COL5A1: variants seen among roughly 807,000 people sequenced by gnomAD.
The protein encoded by COL5A1 is collagen type V alpha 1 chain.
Under a neutral mutation model 263.7 loss-of-function variants are expected in COL5A1, and 16 were observed. The ratio of observed to expected loss-of-function variants is 0.06; its 90% CI spans 0.04 to 0.09. COL5A1 has a LOEUF of 0.09. Ranked by LOEUF, COL5A1 falls within the 10% of genes least tolerant of loss-of-function variation. The probability of loss-of-function intolerance (pLI) is 1.00; values close to 1 mark genes in which losing one functional copy is unlikely to be tolerated. For missense variants in COL5A1, 2,036 were observed against 2,540.5 expected (o/e 0.80, Z 4.27); for synonymous variants, 1,012 against 1,004.5 (o/e 1.01, Z -0.14).
chr9:134,789,866 C>T lies in COL5A1; in HGVS notation c.2700+658C>T, dbSNP rs773358126. 6.6e-6 allele frequency among the ~76,000 whole-genome samples: 1 copy of T among 152,226 alleles called. No individual in the cohort carries two copies. Among genetic ancestry groups the T allele is most frequent in the Non-Finnish European group, 1.5e-5 (1 of 68,026 alleles). On this transcript the variant is annotated intron_variant, in intron 32 of 65. Coordinates refer to ENST00000371817, the MANE Select transcript of COL5A1 (RefSeq NM_000093.5). The surrounding 1 kb of genome is among the most constrained non-coding windows in gnomAD (Gnocchi z 4.8). ...AAATCACAGTGCCTGAGCATTGCCA[C>T]TTGGGAAAACAGGAGAGAGATGGTC...
At chr9:134,812,206 T>C (rs1423997245) in intron 46 of COL5A1, among the ~76,000 whole-genome samples, 2 of 152,248 alleles carry the variant, frequency 1.3e-5, no homozygotes, top group Non-Finnish European at 2.9e-5. Context: ...TTTATTGTTT[T>C]ATGGGTTCCT....
chr9:134,806,413 T>TG, intron 42 of COL5A1, 117 bp downstream of exon 42: 1 of 743,640 alleles, frequency 1.3e-6, no homozygotes, highest in South Asian at 1.8e-5. Context: ...GGATTGGGGA[T>TG]GGGGTGGGGT....
rs1243284880 is a variant in COL5A1 at position 134,824,895 on chromosome 9, G to T, written c.4954+40G>T. 8 of 1,579,076 alleles carry T rather than the reference G, an allele frequency of 5.1e-6. No homozygotes were observed. In the South Asian group the frequency reaches 5.7e-5, roughly 11 times the overall value. Reference sequence around the variant, plus strand: ...GGGCAGGGGTGGCCCCCCAAAGCGGGCATGGACCTGCAGGACACATGGAGT... The same window carrying T: ...GGGCAGGGGTGGCCCCCCAAAGCGGTCATGGACCTGCAGGACACATGGAGT... On this transcript the variant is annotated intron_variant, in intron 62 of 65. Coordinates refer to ENST00000371817, the MANE Select transcript of COL5A1 (RefSeq NM_000093.5).
chr9:134,713,440 C>T (rs1050335455), intron 4 of COL5A1, among the ~76,000 whole-genome samples: 1 of 152,200 alleles, frequency 6.6e-6, no homozygotes, highest in Non-Finnish European at 1.5e-5. Flanking sequence ...CAGAGACACC[C>T]GGGAGTTGCA....
At position 134,678,333 on chromosome 9, in the gene COL5A1, C is replaced by T. The variant is rs115525928; in HGVS notation, c.110-12579C>T. Reference sequence around the variant, plus strand: ...GAATAAGGGAAGTGTGGCAGCTGGGCGCAGAGCACATAACAGGTGCACAGT... The same window carrying T: ...GAATAAGGGAAGTGTGGCAGCTGGGTGCAGAGCACATAACAGGTGCACAGT... On this transcript the variant is annotated intron_variant, in intron 1 of 65. Coordinates refer to ENST00000371817, the MANE Select transcript of COL5A1 (RefSeq NM_000093.5). The surrounding 1 kb of genome is among the most constrained non-coding windows in gnomAD (Gnocchi z 5.5). Among the ~76,000 whole-genome samples, 1,030 of 152,324 alleles carry T rather than the reference C, an allele frequency of 6.8e-3. 11 individuals are homozygous for T. Among genetic ancestry groups the T allele is most frequent in the African/African-American group, 0.019 (804 of 41,572 alleles).
chr9:134,759,428 C>CACATGCAT (rs1836150940), intron 18 of COL5A1, among the ~76,000 whole-genome samples: 1 of 123,104 alleles, frequency 8.1e-6, no homozygotes, highest in African/African-American at 3.9e-5. Flanking sequence ...CACTCATACA[C>CACATGCAT]ACATGCACAC....
At chr9:134,779,998 C>A in intron 27 of COL5A1, 104 bp from the exon 28 acceptor site, 1 of 1,307,698 alleles carries the variant, frequency 7.6e-7, no homozygotes, top group Non-Finnish European at 1.1e-6. Context: ...CTGGCCTCAT[C>A]TGTCAGCTTC....
chr9:134,802,321 G>A (rs758989268), intron 38 of COL5A1, among the ~76,000 whole-genome samples: 11 of 152,174 alleles, frequency 7.2e-5, no homozygotes, highest in Non-Finnish European at 1.0e-4. Context: ...CAAGGCAGCC[G>A]AGTCCTCCTG....
chr9:134,727,472 C>T, intron 5 of COL5A1, 75 bp downstream of exon 5: 2 of 1,515,748 alleles, frequency 1.3e-6, no homozygotes, highest in African/African-American at 1.4e-5. Flanking sequence ...GACACATAAG[C>T]CATGGGACCC....
intron 4 of COL5A1, among the ~76,000 whole-genome samples, 175 bp downstream of exon 4, chr9:134,701,508 C>T (rs920036567): frequency 3.3e-5 from 5 of 152,198 alleles, no homozygotes; most frequent in Non-Finnish European, 5.9e-5. Context: ...TTGTGGCTTT[C>T]GGAAATGGAG....
intron 9 of COL5A1, among the ~76,000 whole-genome samples, chr9:134,733,115 G>T (rs1009137712): frequency 1.3e-5 from 2 of 152,178 alleles, no homozygotes; most frequent in Non-Finnish European, 2.9e-5. Flanking sequence ...TTGTTCTGCC[G>T]CCAGGACTCA....
intron 43 of COL5A1, 111 bp downstream of exon 43, chr9:134,809,401 C>T (rs950516263): frequency 6.2e-5 from 52 of 832,878 alleles, no homozygotes; most frequent in Admixed American, 3.4e-4. Flanking sequence ...GCTCAGCCAG[C>T]GGAGTGATGC....
chr9:134,663,808 C>T (rs1313152098), intron 1 of COL5A1, among the ~76,000 whole-genome samples: 1 of 152,178 alleles, frequency 6.6e-6, no homozygotes, highest in Admixed American at 6.5e-5. Flanking sequence ...CGACAGCTGT[C>T]AAAAGTCTAA....
rs894675360 is a variant in COL5A1 at position 134,647,686 on chromosome 9, C to T, written c.109+5390C>T. ...TTGAGCGTGAGGCTGTGGGTTCTGCCGCAGGGCAAGCCGGGTCCAGCTGGA... is the reference window on the plus strand; with the variant it reads ...TTGAGCGTGAGGCTGTGGGTTCTGCTGCAGGGCAAGCCGGGTCCAGCTGGA... On this transcript the variant is annotated intron_variant, in intron 1 of 65. Coordinates refer to ENST00000371817, the MANE Select transcript of COL5A1 (RefSeq NM_000093.5). This position sits in a 1 kb window ranked among gnomAD's most constrained non-coding sequence, Gnocchi z 5.0. Among the ~76,000 whole-genome samples the T allele has an allele frequency of 2.0e-5, 3 of 152,118 alleles. No homozygotes were observed. The highest frequency in any genetic ancestry group is 7.2e-5 in the African/African-American group (3 of 41,404).
At chr9:134,704,690 G>A (rs1833782572) in intron 4 of COL5A1, among the ~76,000 whole-genome samples, 1 of 152,144 alleles carries the variant, frequency 6.6e-6, no homozygotes, top group African/African-American at 2.4e-5. Flanking sequence ...TAGCCCCAGA[G>A]TTTCCTGGCT....
intron 27 of COL5A1, among the ~76,000 whole-genome samples, chr9:134,778,108 G>A (rs78140074): frequency 6.6e-6 from 1 of 152,266 alleles, no homozygotes; most frequent in Non-Finnish European, 1.5e-5. Context: ...CCACGCCGTG[G>A]TGAGACGGCA....
intron 37 of COL5A1, among the ~76,000 whole-genome samples, chr9:134,800,222 C>CT (rs1369433252): frequency 3.3e-5 from 5 of 152,176 alleles, no homozygotes; most frequent in Non-Finnish European, 5.9e-5. Context: ...CTGGGGAGGC[C>CT]TTTTTTGTTT....
chr9:134,744,167 C>T (rs1351634328), intron 11 of COL5A1, among the ~76,000 whole-genome samples: 3 of 152,160 alleles, frequency 2.0e-5, no homozygotes, highest in Admixed American at 6.5e-5. Context: ...TTTCCTGGCT[C>T]CCAGGCTCCT....
At chr9:134,823,704 G>A (rs1430271639) in intron 61 of COL5A1, among the ~76,000 whole-genome samples, 6 of 152,226 alleles carry the variant, frequency 3.9e-5, no homozygotes, top group Non-Finnish European at 7.3e-5. Flanking sequence ...GAGGATACAC[G>A]TGTGTGCTGT....
Sources: gnomAD v4.1 joint callset for allele counts (sites outside exome capture counted in the v4.1 genomes callset) on GRCh38, gnomAD v4.1.1 for gene constraint, Gnocchi (gnomAD v3.1) non-coding constraint, MANE v1.5 for transcripts, NCBI Gene and HGNC (gene_info 2026-07-23, HGNC 2026-07-21) for gene names.